The following TTC7B variants were observed in gnomAD, a reference collection of about 807,000 sequenced individuals.
The protein encoded by TTC7B is tetratricopeptide repeat protein 7B.
TTC7B carries 28 observed loss-of-function variants against 106.8 expected under a neutral mutation model. The ratio of observed to expected loss-of-function variants is 0.26; its 90% CI spans 0.19 to 0.36. The LOEUF is 0.36. TTC7B is among the 10% of genes least tolerant of loss of function. TTC7B has a pLI of 1.00. For synonymous variants in TTC7B, 405 were observed against 430.6 expected (o/e 0.94, Z 0.74); for missense variants, 862 against 1,076.4 (o/e 0.80, Z 2.79).
chr14:90,636,520 A>G (rs1884952195), intron 15 of TTC7B, among the ~76,000 whole-genome samples: 1 of 151,860 alleles, frequency 6.6e-6, no homozygotes, highest in African/African-American at 2.4e-5. Context: ...AAAAACCTCT[A>G]TAAAAACAAA....
rs184125496 is a variant in TTC7B at position 90,808,656 on chromosome 14, C to T, written c.121+7519G>A. Among the ~76,000 whole-genome samples the T allele has an allele frequency of 1.3e-3, 202 of 152,304 alleles. 1 individual carries two copies. Among genetic ancestry groups the T allele is most frequent in the African/African-American group, 4.5e-3 (188 of 41,568 alleles). On this transcript the variant is annotated intron_variant, in intron 1 of 19. Transcript: ENST00000328459. The surrounding 1 kb of genome is among the most constrained non-coding windows in gnomAD (Gnocchi z 4.2). ...CCATTTGACCTATCTCTGGGTCAGA[C>T]ATCCGCTCATCCTTGTCTTGGTGGC... is the stretch of plus-strand genomic sequence containing the variant.
In TTC7B at chr14:90,808,995, A is replaced by G. The variant is rs2030754004; in HGVS notation, c.121+7180T>C. 1.3e-5 allele frequency among the ~76,000 whole-genome samples: 2 copies of G among 152,190 alleles called. No homozygotes were observed. Among genetic ancestry groups the G allele is most frequent in the South Asian group, 4.1e-4 (2 of 4,828 alleles). ...CAAACGCCTGACTCAGTGTGGCTTC[A>G]ACAAGAAGGAATTTATTCTCTCACA... On this transcript the variant is annotated intron_variant, in intron 1 of 19. Coordinates refer to ENST00000328459, the MANE Select transcript of TTC7B (RefSeq NM_001010854.2). This position sits in a 1 kb window ranked among gnomAD's most constrained non-coding sequence, Gnocchi z 4.2.
chr14:90,729,151 A>G (rs1889227785), intron 5 of TTC7B, among the ~76,000 whole-genome samples: 1 of 152,254 alleles, frequency 6.6e-6, no homozygotes, highest in African/African-American at 2.4e-5. Context: ...GCAGTTTAAT[A>G]GGACTTGAAA....
chr14:90,557,097 C>T (rs531096998), intron 19 of TTC7B, among the ~76,000 whole-genome samples: 2 of 152,302 alleles, frequency 1.3e-5, no homozygotes, highest in South Asian at 4.1e-4. Flanking sequence ...TCTGACCCCA[C>T]TCTTTCCCAA....
rs1178790999 is a variant in TTC7B, at chr14:90,578,282, G to T, written c.2134C>A (p.Pro712Thr). The T allele has an allele frequency of 2.5e-6, 4 of 1,614,016 alleles. No individual in the cohort carries two copies. Among genetic ancestry groups the T allele is most frequent in the Non-Finnish European group, 1.7e-6 (2 of 1,180,036 alleles). The stretch of plus-strand genomic sequence containing the variant: ...TGGGTACAGGCTGTGGCTTCTGCAG[G>T]CTTCCCGATGCCGATATAGACTTCA... The part of the protein sequence containing the change: ...AAEVYIGIGK[P>T]AEATACTQEA... The change falls in exon 19 of 20, where the codon CCT becomes ACT. Residue 712 changes from proline to threonine, a missense_variant. By Grantham distance (38) the Pro-to-Thr change is conservative (BLOSUM62 -1). Coordinates refer to ENST00000328459, the MANE Select transcript of TTC7B (RefSeq NM_001010854.2). The surrounding 1 kb of genome is among the most constrained non-coding windows in gnomAD (Gnocchi z 4.7).
At chr14:90,544,243 T>C (rs1282206696) in intron 19 of TTC7B, among the ~76,000 whole-genome samples, 1 of 152,228 alleles carries the variant, frequency 6.6e-6, no homozygotes, top group African/African-American at 2.4e-5. Context: ...AGCTCTACCT[T>C]CTCAAGAACA....
chr14:90,805,411 G>A lies in TTC7B; in HGVS notation c.121+10764C>T, dbSNP rs1227197196. 2.0e-5 allele frequency among the ~76,000 whole-genome samples: 3 copies of A among 152,320 alleles called. No individual in the cohort carries two copies. Among genetic ancestry groups the A allele is most frequent in the African/African-American group, 7.2e-5 (3 of 41,582 alleles). Reference sequence around the variant, plus strand: ...CCCGCGTAGCTGCGATTACAGGCGTGTACCACAATGCCCGGCTAATTTTTT... The same window carrying A: ...CCCGCGTAGCTGCGATTACAGGCGTATACCACAATGCCCGGCTAATTTTTT... On this transcript the variant is annotated intron_variant, in intron 1 of 19. Coordinates refer to ENST00000328459, the MANE Select transcript of TTC7B (RefSeq NM_001010854.2). This position sits in a 1 kb window ranked among gnomAD's most constrained non-coding sequence, Gnocchi z 4.0.
intron 19 of TTC7B, among the ~76,000 whole-genome samples, chr14:90,550,447 ATATG>A (rs1235208150): frequency 6.6e-6 from 1 of 152,162 alleles, no homozygotes; most frequent in Non-Finnish European, 1.5e-5. Flanking sequence ...AACCTGTTGA[ATATG>A]TATACTTGGC....
chr14:90,755,758 C>A (rs965214216), intron 3 of TTC7B, among the ~76,000 whole-genome samples: 1 of 152,260 alleles, frequency 6.6e-6, no homozygotes, highest in Non-Finnish European at 1.5e-5. Flanking sequence ...CATTTACCAG[C>A]TCTGTGATTT....
intron 18 of TTC7B, among the ~76,000 whole-genome samples, chr14:90,587,404 C>T (rs778188931): frequency 8.5e-5 from 13 of 152,216 alleles, no homozygotes; most frequent in Non-Finnish European, 1.6e-4. Flanking sequence ...TTACTGCTTA[C>T]TCCTCAGGGT....
chr14:90,676,434 G>A lies in TTC7B; in HGVS notation c.1152+89C>T, dbSNP rs10142544. On this transcript the variant is annotated intron_variant, in intron 9 of 19. Transcript: ENST00000328459. ...ACATGGCTGCCACTAATAGAGGGGG[G>A]CCCAGGACCAGGTCTCACAGCGCTT... 4.0e-3 allele frequency: 5,907 copies of A among 1,485,380 alleles called. 183 individuals are homozygous for A. The African/African-American group carries it at 0.074, about 19-fold the overall frequency. 92.0% of individuals were successfully genotyped at this position (1,485,380 alleles called of 1,614,324 possible).
At chr14:90,642,260 T>A (rs889053404) in intron 15 of TTC7B, among the ~76,000 whole-genome samples, 4 of 152,166 alleles carry the variant, frequency 2.6e-5, no homozygotes, top group African/African-American at 9.7e-5. Context: ...TCCTGGATTA[T>A]AACAAGAATT....
At chr14:90,667,060 C>A (rs2139912247) in intron 9 of TTC7B, among the ~76,000 whole-genome samples, 1 of 152,344 alleles carries the variant, frequency 6.6e-6, no homozygotes, top group Non-Finnish European at 1.5e-5. Context: ...TTGCCTCTCA[C>A]CTTTTGGTCT....
chr14:90,744,321 C>CT (rs1227274298), intron 4 of TTC7B, among the ~76,000 whole-genome samples: 15 of 151,998 alleles, frequency 9.9e-5, no homozygotes, highest in Non-Finnish European at 1.8e-4. Flanking sequence ...TTCTTTCTTT[C>CT]TTTTTTTTAT....
At chr14:90,576,706 C>T (rs1891273540) in intron 19 of TTC7B, among the ~76,000 whole-genome samples, 1 of 152,180 alleles carries the variant, frequency 6.6e-6, no homozygotes, top group East Asian at 1.9e-4. Flanking sequence ...GCAGATGTAA[C>T]TTGTAAGCAG....
intron 5 of TTC7B, among the ~76,000 whole-genome samples, chr14:90,718,107 G>C (rs775433423): frequency 1.3e-4 from 20 of 152,370 alleles, no homozygotes; most frequent in South Asian, 2.1e-4. Flanking sequence ...TCTCTGTCCA[G>C]CTGCACCCCA....
At chr14:90,793,061 C>T (rs1187997029) in intron 1 of TTC7B, among the ~76,000 whole-genome samples, 1 of 152,122 alleles carries the variant, frequency 6.6e-6, no homozygotes, top group Non-Finnish European at 1.5e-5. Context: ...TCTCATGAGA[C>T]TGTGTTCTCA....
chr14:90,647,535 AG>A (rs1419294412), intron 13 of TTC7B: 3 of 154,784 alleles, frequency 1.9e-5, no homozygotes, highest in African/African-American at 7.2e-5. Flanking sequence ...TGGTGAAAAA[AG>A]GGAAGAGAAA....
At chr14:90,579,257 G>A (rs1891386123) in intron 18 of TTC7B, among the ~76,000 whole-genome samples, 1 of 152,202 alleles carries the variant, frequency 6.6e-6, no homozygotes, top group Non-Finnish European at 1.5e-5. Context: ...GGGCCACATG[G>A]TCAAGTCTGC....
Sources: gnomAD v4.1 joint callset for allele counts (sites outside exome capture counted in the v4.1 genomes callset) on GRCh38, gnomAD v4.1.1 for gene constraint, Gnocchi (gnomAD v3.1) non-coding constraint, MANE v1.5 for transcripts, NCBI Gene and HGNC (gene_info 2026-07-23, HGNC 2026-07-21) for gene names.